KIAA0825: variants seen among roughly 807,000 people sequenced by gnomAD.
KIAA0825 encodes the protein uncharacterized protein KIAA0825.
In KIAA0825, 119 loss-of-function variants were observed where a neutral mutation model predicts 147.6. That is an observed-to-expected ratio of 0.81 (90% CI 0.69 to 0.94). The LOEUF is 0.94. KIAA0825 is among the 40% of genes least tolerant of loss of function. The probability of loss-of-function intolerance (pLI) is 0.00; values close to 1 mark genes in which losing one functional copy is unlikely to be tolerated. For missense variants in KIAA0825, 1,381 were observed against 1,472.7 expected (o/e 0.94, Z 1.02); for synonymous variants, 470 against 518.1 (o/e 0.91, Z 1.26).
chr5:94,404,302 G>A (rs765622346), intron 15 of KIAA0825, among the ~76,000 whole-genome samples: 20 of 152,118 alleles, frequency 1.3e-4, no homozygotes, highest in Admixed American at 1.1e-3. Context: ...ATTAAAGTAG[G>A]TTAGAAAAGA....
chr5:94,571,715 G>C (rs1226509422), intron 2 of KIAA0825, among the ~76,000 whole-genome samples: 2 of 152,156 alleles, frequency 1.3e-5, no homozygotes, highest in Non-Finnish European at 2.9e-5. Context: ...AGTCATCATG[G>C]TGGATGGTAA....
chr5:94,479,710 C>T (rs189888101), intron 6 of KIAA0825, among the ~76,000 whole-genome samples: 3 of 152,216 alleles, frequency 2.0e-5, no homozygotes, highest in East Asian at 3.9e-4. Context: ...TTTTGCATTC[C>T]TAACAGCAAT....
intron 2 of KIAA0825, among the ~76,000 whole-genome samples, chr5:94,553,296 A>T (rs936915851): frequency 3.2e-4 from 49 of 151,354 alleles, no homozygotes; most frequent in African/African-American, 1.0e-3. Context: ...AAAAATTAGC[A>T]GGGCATGGTG....
At chr5:94,594,042 T>C in intron 1 of KIAA0825, 1 of 522,464 alleles carries the variant, frequency 1.9e-6, no homozygotes, top group Admixed American at 2.1e-5. Flanking sequence ...TTTTTGGAAC[T>C]TGCGTGCAAC....
chr5:94,342,292 A>G (rs905063999), intron 20 of KIAA0825, among the ~76,000 whole-genome samples: 4 of 152,180 alleles, frequency 2.6e-5, no homozygotes, highest in Non-Finnish European at 5.9e-5. Flanking sequence ...AAATATATTG[A>G]AACAGTCAAG....
chr5:94,545,372 G>A (rs1774145502), intron 2 of KIAA0825, among the ~76,000 whole-genome samples: 1 of 152,152 alleles, frequency 6.6e-6, no homozygotes, highest in Non-Finnish European at 1.5e-5. Context: ...GGAGACACCA[G>A]CTGGGGCAGC....
intron 20 of KIAA0825, among the ~76,000 whole-genome samples, chr5:94,184,374 A>C (rs1769932461): frequency 6.6e-6 from 1 of 152,192 alleles, no homozygotes; most frequent in African/African-American, 2.4e-5. Context: ...AAGAACTCTT[A>C]AGACTCCAGC....
At chr5:94,384,996 T>G (rs1277815660) in intron 19 of KIAA0825, among the ~76,000 whole-genome samples, 1 of 152,308 alleles carries the variant, frequency 6.6e-6, no homozygotes, top group East Asian at 1.9e-4. Flanking sequence ...ATATAAGTGA[T>G]TCCTTTTTCT....
intron 5 of KIAA0825, among the ~76,000 whole-genome samples, chr5:94,486,665 A>C (rs564366093): frequency 3.1e-4 from 47 of 152,294 alleles, no homozygotes; most frequent in African/African-American, 1.1e-3. Context: ...GTTAGAGAAC[A>C]CAAGTATGTA....
At chr5:94,471,259 A>AC (rs11397200) in intron 9 of KIAA0825, among the ~76,000 whole-genome samples, 73,941 of 151,448 alleles carry the variant, frequency 0.49, 18,367 homozygotes, top group South Asian at 0.6. Context: ...TAGAGATAGT[A>AC]CTATCTTACT....
At chr5:94,289,252 C>T (rs1033442949) in intron 20 of KIAA0825, among the ~76,000 whole-genome samples, 1 of 152,104 alleles carries the variant, frequency 6.6e-6, no homozygotes, top group African/African-American at 2.4e-5. Context: ...AAAATGTAAA[C>T]TGGCCGGGAG....
intron 5 of KIAA0825, among the ~76,000 whole-genome samples, chr5:94,495,697 G>C (rs778309351): frequency 6.6e-6 from 1 of 152,078 alleles, no homozygotes; most frequent in Non-Finnish European, 1.5e-5. Flanking sequence ...CATTACACTC[G>C]ATACATAAGA....
intron 20 of KIAA0825, among the ~76,000 whole-genome samples, chr5:94,352,971 C>T (rs988806533): frequency 4.6e-5 from 7 of 152,028 alleles, no homozygotes; most frequent in Admixed American, 2.0e-4. Context: ...AAATATGGTG[C>T]AGTGCATACT....
chr5:94,188,227 C>T (rs1770334017), intron 20 of KIAA0825, among the ~76,000 whole-genome samples: 1 of 152,134 alleles, frequency 6.6e-6, no homozygotes, highest in Non-Finnish European at 1.5e-5. Flanking sequence ...CTGTTACAAT[C>T]GTCTGAATTA....
chr5:94,499,402 T>C (rs1361875454), intron 5 of KIAA0825, among the ~76,000 whole-genome samples: 1 of 152,144 alleles, frequency 6.6e-6, no homozygotes, highest in African/African-American at 2.4e-5. Context: ...TCAATTCTTG[T>C]TTTCTGCTTC....
At chr5:94,212,586 C>T (rs1211645263) in intron 20 of KIAA0825, among the ~76,000 whole-genome samples, 1 of 152,170 alleles carries the variant, frequency 6.6e-6, no homozygotes, top group African/African-American at 2.4e-5. Flanking sequence ...CACATTTACA[C>T]GGGATACCCT....
At chr5:94,209,072 C>T (rs2118953) in intron 20 of KIAA0825, among the ~76,000 whole-genome samples, 15 of 152,142 alleles carry the variant, frequency 9.9e-5, no homozygotes, top group Admixed American at 2.0e-4. Flanking sequence ...AGAAAAAACC[C>T]ATGTGGGGCT....
chr5:94,568,788 TA>T (rs1779260834), intron 2 of KIAA0825: 1 of 154,236 alleles, frequency 6.5e-6, no homozygotes, highest in Admixed American at 6.5e-5. Context: ...CTACTTTTAT[TA>T]GACCTAACTT....
At chr5:94,251,213 C>G (rs776879648) in intron 20 of KIAA0825, among the ~76,000 whole-genome samples, 10 of 152,026 alleles carry the variant, frequency 6.6e-5, no homozygotes, top group Non-Finnish European at 1.2e-4. Flanking sequence ...GTTCAGCAAA[C>G]AGGGGAAAAA....
Sources: allele counts gnomAD v4.1 joint callset (sites outside exome capture counted in the v4.1 genomes callset), GRCh38; gene constraint gnomAD v4.1.1; transcripts MANE v1.5; gene names NCBI Gene and HGNC (gene_info 2026-07-23, HGNC 2026-07-21).